The following GBF1 variants were observed in gnomAD, a reference collection of about 807,000 sequenced individuals.
GBF1 encodes golgi brefeldin A resistant guanine nucleotide exchange factor 1.
In GBF1, 114 loss-of-function variants were observed where a neutral mutation model predicts 210.5. That is an observed-to-expected ratio of 0.54 (90% confidence interval 0.47 to 0.63). The LOEUF (loss-of-function observed/expected upper bound fraction) is 0.63. Among genes scored for constraint, GBF1 ranks in the 30% least tolerant of loss-of-function variants. The pLI is 0.00. For missense variants in GBF1, 1,851 were observed against 2,357.7 expected (o/e 0.79, Z 4.45); for synonymous variants, 850 against 889.2 (o/e 0.96, Z 0.78).
intron 1 of GBF1, among the ~76,000 whole-genome samples, chr10:102,249,233 CTT>C (rs919622936): frequency 2.6e-5 from 4 of 152,172 alleles, no homozygotes; most frequent in African/African-American, 9.7e-5. Context: ...ATCACATAGA[CTT>C]TTTTTCTTTG....
chr10:102,320,471 A>G (rs12763439), intron 3 of GBF1, among the ~76,000 whole-genome samples: 19,375 of 152,110 alleles, frequency 0.13, 1,508 homozygotes, highest in Non-Finnish European at 0.17. Context: ...TAGTTCCTCA[A>G]TAATTTCCCC....
chr10:102,255,242 T>C (rs764136458), intron 1 of GBF1, among the ~76,000 whole-genome samples: 90 of 152,168 alleles, frequency 5.9e-4, no homozygotes, highest in Non-Finnish European at 1.0e-3. Flanking sequence ...CGTTTCACCA[T>C]GTTGGCCAGG....
At chr10:102,294,491 C>T (rs181223865) in intron 3 of GBF1, among the ~76,000 whole-genome samples, 117 of 151,746 alleles carry the variant, frequency 7.7e-4, no homozygotes, top group African/African-American at 2.7e-3. Flanking sequence ...AAGCCATTCT[C>T]CTGCCTCAGC....
intron 3 of GBF1, among the ~76,000 whole-genome samples, chr10:102,280,252 A>G (rs1175803466): frequency 6.6e-6 from 1 of 152,166 alleles, no homozygotes; most frequent in Non-Finnish European, 1.5e-5. Flanking sequence ...GGAGAGAAGG[A>G]CAGAGAATAC....
Position 102,352,487 on chromosome 10 carries a change from C to G in GBF1, c.553C>G (p.Leu185Val), listed in dbSNP as rs778430669. The G allele has an allele frequency of 3.7e-6, 6 of 1,612,048 alleles. No individual in the cohort carries two copies. Among genetic ancestry groups the G allele is most frequent in the South Asian group, 1.1e-5 (1 of 91,040 alleles). The change falls in exon 7 of 40, where the codon CTC becomes GTC. Residue 185 changes from leucine (L) to valine (V), a missense_variant. Physicochemically the swap from Leu to Val is conservative, Grantham distance 32. Coordinates refer to ENST00000369983, the MANE Select transcript of GBF1 (RefSeq NM_001377137.1). ...ATTGAGAAAATCCGCAGAGCACACTCTCGTAGACATGGTGCAGCTGCTCTT... is the reference window on the plus strand; with the variant it reads ...ATTGAGAAAATCCGCAGAGCACACTGTCGTAGACATGGTGCAGCTGCTCTT... ...ELLRKSAEHT[L>V]VDMVQLLFTR... is the part of the protein sequence containing the mutation.
chr10:102,347,581 C>A (rs2058663317), intron 4 of GBF1, among the ~76,000 whole-genome samples: 1 of 152,110 alleles, frequency 6.6e-6, no homozygotes, highest in Non-Finnish European at 1.5e-5. Flanking sequence ...AAGGAGAATG[C>A]TGGAGGTGGT....
At chr10:102,292,185 G>A (rs1207858080) in intron 3 of GBF1, among the ~76,000 whole-genome samples, 1 of 151,828 alleles carries the variant, frequency 6.6e-6, no homozygotes, top group South Asian at 2.1e-4. Context: ...CACCATGCCC[G>A]GCCCCTAGAA....
chr10:102,290,442 G>GTAGA (rs1360902920), intron 3 of GBF1, among the ~76,000 whole-genome samples: 1 of 151,942 alleles, frequency 6.6e-6, no homozygotes, highest in Non-Finnish European at 1.5e-5. Context: ...ATTATATGTA[G>GTAGA]TAGAACCTTA....
chr10:102,231,084 C>A, the GBF1 span: 1 of 1,560,270 alleles, frequency 6.4e-7, no homozygotes, highest in East Asian at 2.3e-5. Flanking sequence ...ATTTGGCGCG[C>A]CGGTTCTTGA....
At chr10:102,352,362 G>C in intron 6 of GBF1, 96 bp from the exon 7 acceptor site, 1 of 871,594 alleles carries the variant, frequency 1.1e-6, no homozygotes, top group South Asian at 1.3e-5. Flanking sequence ...CATAATCCTT[G>C]GTAAACAAGG....
Position 102,376,969 on chromosome 10 carries a change from C to T in GBF1, c.4323C>T (p.His1441=), listed in dbSNP as rs140671368. Residue 1441 remains histidine (H), a synonymous_variant, in exon 33 of 40, where the codon CAC becomes CAT. Coordinates refer to ENST00000369983, the MANE Select transcript of GBF1 (RefSeq NM_001377137.1). ...CCCAGGAGAAACGTGGCAAGAGTCA[C>T]AAATATGACAGCAAAGGGAACCGCT... ...CKSQEKRGKS[H]KYDSKGNRFK... 270 of 1,614,024 alleles carry T rather than the reference C, an allele frequency of 1.7e-4. No homozygotes were observed. Among genetic ancestry groups the T allele is most frequent in the Middle Eastern group, 3.3e-4 (2 of 6,084 alleles).
At chr10:102,364,251 G>A (rs1198693920) in intron 17 of GBF1, among the ~76,000 whole-genome samples, 3 of 120,060 alleles carry the variant, frequency 2.5e-5, no homozygotes, top group Non-Finnish European at 4.9e-5. Context: ...TTCAGACGGA[G>A]TCTCTCTCTG....
chr10:102,345,646 CAAAAAAAAAAAAAA>C lies in GBF1; in HGVS notation c.295+1477_295+1490del, dbSNP rs59037566. Among the ~76,000 whole-genome samples, 6 of 17,982 alleles carry C rather than the reference CAAAAAAAAAAAAAA, an allele frequency of 3.3e-4. No individual in the cohort carries two copies. In the East Asian group the frequency reaches 4.6e-3, roughly 14 times the overall value. 11.8% of individuals were successfully genotyped at this position (17,982 alleles called of 152,430 possible). ...TGGGTGACAGAGCAAGACTCCGTCT[CAAAAAAAAAAAAAA>C]AAAAAAAAAAAAGCAGATAGTATTA... On this transcript the variant is annotated intron_variant, in intron 4 of 39. Transcript: ENST00000369983.
In GBF1 at chr10:102,351,259, C is replaced by G. The variant is rs776213088; in HGVS notation, c.299C>G (p.Pro100Arg). 2.6e-6 allele frequency: 4 copies of G among 1,558,100 alleles called. No individual in the cohort carries two copies. The South Asian group carries it at 4.4e-5, about 17-fold the overall frequency. ...CTTTCCTTTTTCGCTGGAGCAGATCCCACCCATGAGGGCACAGCAGAGGGC... is the reference window on the plus strand; with the variant it reads ...CTTTCCTTTTTCGCTGGAGCAGATCGCACCCATGAGGGCACAGCAGAGGGC... ...NKFLSYALID[P>R]THEGTAEGME... Residue 100 changes from proline (P) to arginine (R), a missense_variant, in exon 5 of 40, where the codon CCC becomes CGC. This residue lies in a region of GBF1 where 804 missense variants were observed against 958.6 expected (regional missense o/e 0.84). Coordinates refer to ENST00000369983, the MANE Select transcript of GBF1 (RefSeq NM_001377137.1).
the GBF1 span, chr10:102,231,515 C>T: frequency 1.9e-6 from 2 of 1,031,324 alleles, no homozygotes; most frequent in South Asian, 1.4e-5. Flanking sequence ...TGGGGTGGAA[C>T]CGCTGGCCTC....
chr10:102,269,755 T>C (rs2074212136), intron 3 of GBF1, among the ~76,000 whole-genome samples: 1 of 152,182 alleles, frequency 6.6e-6, no homozygotes. Context: ...ACCAAATTGA[T>C]TAAATGAAAT....
intron 3 of GBF1, among the ~76,000 whole-genome samples, chr10:102,298,500 A>G (rs1344780828): frequency 6.6e-6 from 1 of 152,222 alleles, no homozygotes; most frequent in Admixed American, 6.5e-5. Context: ...TTTAGCTAGA[A>G]TATGTGCTCT....
chr10:102,347,220 G>C (rs192692858), intron 4 of GBF1, among the ~76,000 whole-genome samples: 1 of 152,166 alleles, frequency 6.6e-6, no homozygotes, highest in South Asian at 2.1e-4. Context: ...TCAGTTCAGA[G>C]CAAGAAAACC....
intron 3 of GBF1, among the ~76,000 whole-genome samples, chr10:102,275,684 A>G (rs971418962): frequency 6.6e-6 from 1 of 152,158 alleles, no homozygotes; most frequent in African/African-American, 2.4e-5. Context: ...TCTGGGATGA[A>G]TCTATATCCA....
Sources: allele counts gnomAD v4.1 joint callset (sites outside exome capture counted in the v4.1 genomes callset), GRCh38; gene constraint gnomAD v4.1.1; regional missense constraint gnomAD v4.1.1; transcripts MANE v1.5; gene names NCBI Gene and HGNC (gene_info 2026-07-23, HGNC 2026-07-21).